The following TENM3 variants were observed in gnomAD, a reference collection of about 807,000 sequenced individuals.
TENM3 encodes teneurin-3.
Under a neutral mutation model 255.1 loss-of-function variants are expected in TENM3, and 63 were observed. That is an observed-to-expected ratio of 0.25 (90% confidence interval 0.20 to 0.30). TENM3 has a LOEUF of 0.30. TENM3 is among the 10% of genes least tolerant of loss of function. The pLI is 1.00. For synonymous variants in TENM3, 1,306 were observed against 1,322.3 expected (o/e 0.99, Z 0.27); for missense variants, 2,929 against 3,461.1 (o/e 0.85, Z 3.86).
chr4:182,251,358 C>T (rs1055821036), intron 1 of TENM3, among the ~76,000 whole-genome samples: 4 of 151,968 alleles, frequency 2.6e-5, no homozygotes, highest in East Asian at 1.9e-4. Context: ...GTCCTGGCTA[C>T]GTGGGGGACT....
At chr4:181,993,106 A>T in the TENM3 span, among the ~76,000 whole-genome samples, 2 of 152,152 alleles carry the variant, frequency 1.3e-5, no homozygotes, top group Non-Finnish European at 2.9e-5. Context: ...ATCCTCTAAA[A>T]CTGTCCAATT....
intron 3 of TENM3, among the ~76,000 whole-genome samples, chr4:182,420,307 T>C (rs2151132354): frequency 6.6e-6 from 1 of 152,292 alleles, no homozygotes; most frequent in East Asian, 1.9e-4. Flanking sequence ...GAATTAATAC[T>C]GGACAGCGGT....
the TENM3 span, among the ~76,000 whole-genome samples, chr4:181,478,852 C>T: frequency 3.9e-5 from 6 of 152,266 alleles, no homozygotes; most frequent in East Asian, 1.9e-4. Context: ...ATGGTTTTCA[C>T]GCTGAGCTCA....
At chr4:182,790,525 A>G (rs1561257747) in intron 25 of TENM3, among the ~76,000 whole-genome samples, 2 of 152,184 alleles carry the variant, frequency 1.3e-5, no homozygotes, top group East Asian at 3.9e-4. Flanking sequence ...TCCAAAGCTC[A>G]CTGTAGGATG....
the TENM3 span, among the ~76,000 whole-genome samples, chr4:181,754,091 G>T: frequency 2.6e-5 from 4 of 151,910 alleles, no homozygotes; most frequent in African/African-American, 9.7e-5. Context: ...TATCTTTTAT[G>T]CTATAAATCA....
the TENM3 span, among the ~76,000 whole-genome samples, chr4:181,994,719 G>C: frequency 4.6e-5 from 7 of 151,982 alleles, no homozygotes; most frequent in Non-Finnish European, 1.0e-4. Flanking sequence ...AAACTCAATT[G>C]CATGATTCAT....
chr4:182,576,048 C>T (rs1193838108), intron 3 of TENM3, among the ~76,000 whole-genome samples: 1 of 152,150 alleles, frequency 6.6e-6, no homozygotes, highest in Non-Finnish European at 1.5e-5. Context: ...CAAGAATGCC[C>T]TCAAGCTTAC....
At chr4:181,845,444 A>G in the TENM3 span, among the ~76,000 whole-genome samples, 1 of 152,202 alleles carries the variant, frequency 6.6e-6, no homozygotes, top group Non-Finnish European at 1.5e-5. Flanking sequence ...TACTAGATAA[A>G]TCTCTATTTT....
rs745988097 is a variant in TENM3, at chr4:182,737,055, A to G, written c.3215A>G (p.Tyr1072Cys). The G allele has an allele frequency of 8.7e-6, 14 of 1,613,618 alleles. No homozygotes were observed. The highest frequency in any genetic ancestry group is 2.7e-5 in the African/African-American group (2 of 74,934). ...DKTDAYNQKVYGLSEAVVSVG... is the reference protein window; with the variant it reads ...DKTDAYNQKVCGLSEAVVSVG... ...ACAGATGCATATAATCAGAAAGTCTATGGTCTATCTGAAGCTGTTGGTAAG... is the reference window on the plus strand; with the variant it reads ...ACAGATGCATATAATCAGAAAGTCTGTGGTCTATCTGAAGCTGTTGGTAAG... Residue 1072 changes from tyrosine to cysteine, a missense_variant, in exon 17 of 28, where the codon TAT becomes TGT. Physicochemically the swap from Tyr to Cys is radical, Grantham distance 194. This residue lies in a region of TENM3 where 1,608 missense variants were observed against 1,884.4 expected (regional missense o/e 0.85). Transcript: ENST00000511685.
intron 5 of TENM3, among the ~76,000 whole-genome samples, chr4:182,647,319 CA>C (rs1752843370): frequency 6.6e-6 from 1 of 152,148 alleles, no homozygotes; most frequent in South Asian, 2.1e-4. Flanking sequence ...AACAGATTTA[CA>C]AAATGTTTTT....
At chr4:182,795,642 A>C (rs1766448176) in intron 26 of TENM3, among the ~76,000 whole-genome samples, 3 of 152,218 alleles carry the variant, frequency 2.0e-5, no homozygotes, top group Non-Finnish European at 4.4e-5. Flanking sequence ...TCTGACAGGC[A>C]GTTTACCACT....
the TENM3 span, among the ~76,000 whole-genome samples, chr4:181,645,815 A>G: frequency 2.6e-5 from 4 of 152,370 alleles, no homozygotes; most frequent in African/African-American, 7.2e-5. Context: ...CAGAAATTAT[A>G]CATCTGTGAG....
At chr4:182,251,129 T>C (rs1032492722) in intron 1 of TENM3, among the ~76,000 whole-genome samples, 7 of 152,162 alleles carry the variant, frequency 4.6e-5, no homozygotes, top group African/African-American at 1.7e-4. Flanking sequence ...GGTCTGGATT[T>C]CCAGGTTATC....
chr4:182,684,351 T>G (rs1756403134), intron 11 of TENM3, among the ~76,000 whole-genome samples: 1 of 149,104 alleles, frequency 6.7e-6, no homozygotes, highest in Non-Finnish European at 1.5e-5. Flanking sequence ...GATTGCCCCC[T>G]TCTCTAAGCC....
At chr4:182,121,704 G>A in the TENM3 span, among the ~76,000 whole-genome samples, 3 of 152,142 alleles carry the variant, frequency 2.0e-5, no homozygotes, top group South Asian at 2.1e-4. Flanking sequence ...CCTTCAGCAA[G>A]CCATAATATT....
At chr4:182,328,983 C>A (rs1344056192) in intron 2 of TENM3, among the ~76,000 whole-genome samples, 1 of 152,158 alleles carries the variant, frequency 6.6e-6, no homozygotes, top group Non-Finnish European at 1.5e-5. Flanking sequence ...GATGCTAGAC[C>A]TGCCCCTTAC....
At chr4:181,564,433 G>A in the TENM3 span, among the ~76,000 whole-genome samples, 3 of 152,062 alleles carry the variant, frequency 2.0e-5, no homozygotes, top group Admixed American at 6.6e-5. Flanking sequence ...TATTAAACAA[G>A]GGGCAGAGCA....
chr4:182,043,781 C>T, the TENM3 span, among the ~76,000 whole-genome samples: 3 of 152,132 alleles, frequency 2.0e-5, no homozygotes, highest in Admixed American at 6.5e-5. Flanking sequence ...ACTCAATATT[C>T]AGTGCAAAAG....
the TENM3 span, among the ~76,000 whole-genome samples, chr4:181,988,007 G>T: frequency 2.6e-5 from 4 of 151,908 alleles, no homozygotes; most frequent in African/African-American, 9.7e-5. Flanking sequence ...GGGGTAGGGG[G>T]TTAAATAAGG....
Sources: allele counts gnomAD v4.1 joint callset (sites outside exome capture counted in the v4.1 genomes callset), GRCh38; gene constraint gnomAD v4.1.1; regional missense constraint gnomAD v4.1.1; transcripts MANE v1.5; gene names NCBI Gene and HGNC (gene_info 2026-07-23, HGNC 2026-07-21).